CAMKMT: variants seen among roughly 807,000 people sequenced by gnomAD.
The protein encoded by CAMKMT is calmodulin-lysine N-methyltransferase.
A neutral mutation model predicts 48.0 loss-of-function variants in CAMKMT; 53 were observed. That is an observed-to-expected ratio of 1.10 (90% CI 0.89 to 1.39). The LOEUF is 1.39. CAMKMT is among the 40% of genes most tolerant of loss of function. CAMKMT has a pLI of 0.00. For synonymous variants in CAMKMT, 165 were observed against 152.3 expected, an observed-to-expected ratio of 1.08 and a Z score of -0.61; for missense variants, 428 against 402.7, an observed-to-expected ratio of 1.06 and a Z score of -0.54.
At chr2:44,528,749 A>C (rs1666307464) in intron 3 of CAMKMT, among the ~76,000 whole-genome samples, 1 of 151,420 alleles carries the variant, frequency 6.6e-6, no homozygotes, top group Non-Finnish European at 1.5e-5. Flanking sequence ...AAACTGGACT[A>C]TTCATCTTGT....
intron 3 of CAMKMT, among the ~76,000 whole-genome samples, chr2:44,646,468 C>G (rs964952353): frequency 6.6e-6 from 1 of 152,194 alleles, no homozygotes; most frequent in East Asian, 1.9e-4. Flanking sequence ...ACAATTCCAT[C>G]CAGTGATTCT....
chr2:44,486,774 C>A (rs986406821), intron 3 of CAMKMT, among the ~76,000 whole-genome samples: 6 of 152,188 alleles, frequency 3.9e-5, no homozygotes, highest in African/African-American at 1.4e-4. Flanking sequence ...TCCCACAAAT[C>A]CTTGGTGTAC....
At chr2:44,660,038 AT>A in intron 3 of CAMKMT, among the ~76,000 whole-genome samples, 1 of 152,354 alleles carries the variant, frequency 6.6e-6, no homozygotes, top group South Asian at 2.1e-4. Flanking sequence ...AATTTTAAAA[AT>A]ATTTACAAAC....
chr2:44,663,710 C>G (rs1674803269), intron 3 of CAMKMT, among the ~76,000 whole-genome samples: 1 of 152,170 alleles, frequency 6.6e-6, no homozygotes, highest in Non-Finnish European at 1.5e-5. Flanking sequence ...TTATTGTTCA[C>G]CCTCTTCAGT....
At chr2:44,604,239 T>G (rs1207666935) in intron 3 of CAMKMT, among the ~76,000 whole-genome samples, 2 of 152,216 alleles carry the variant, frequency 1.3e-5, no homozygotes, top group Admixed American at 6.5e-5. Context: ...ATCTGTTTTA[T>G]TTTGTATGTA....
At chr2:44,511,388 A>T (rs1228951890) in intron 3 of CAMKMT, among the ~76,000 whole-genome samples, 1 of 152,162 alleles carries the variant, frequency 6.6e-6, no homozygotes, top group Non-Finnish European at 1.5e-5. Context: ...TACTAGGTTC[A>T]AGCAATTCTC....
chr2:44,725,143 C>CGTGTGTGTGTGT (rs4039394), intron 7 of CAMKMT, among the ~76,000 whole-genome samples: 3,033 of 140,566 alleles, frequency 0.022, 34 homozygotes, highest in Non-Finnish European at 0.027. Context: ...GCTTTCTGGA[C>CGTGTGTGTGTGT]GTGTGTGTGT....
At chr2:44,721,313 T>C (rs1573162303) in intron 7 of CAMKMT, among the ~76,000 whole-genome samples, 1 of 152,222 alleles carries the variant, frequency 6.6e-6, no homozygotes, top group East Asian at 1.9e-4. Flanking sequence ...TAAGAGATGT[T>C]ATCACAAGTA....
At chr2:44,482,649 C>A (rs958215709) in intron 3 of CAMKMT, among the ~76,000 whole-genome samples, 1 of 152,102 alleles carries the variant, frequency 6.6e-6, no homozygotes, top group Admixed American at 6.5e-5. Flanking sequence ...GAGTGGCCTT[C>A]TTCAGACTTC....
intron 3 of CAMKMT, among the ~76,000 whole-genome samples, chr2:44,390,588 A>G (rs554717241): frequency 1.3e-5 from 2 of 151,924 alleles, no homozygotes; most frequent in South Asian, 2.1e-4. Context: ...CAGAAAGAAC[A>G]CTGGACACTG....
At chr2:44,726,056 T>G (rs1180133552) in intron 7 of CAMKMT, among the ~76,000 whole-genome samples, 1 of 152,200 alleles carries the variant, frequency 6.6e-6, no homozygotes, top group African/African-American at 2.4e-5. Context: ...TGCTCAATGT[T>G]TAGCTCCCAC....
chr2:44,718,241 C>T (rs1212296921), intron 7 of CAMKMT, among the ~76,000 whole-genome samples: 4 of 152,162 alleles, frequency 2.6e-5, no homozygotes, highest in African/African-American at 4.8e-5. Flanking sequence ...ACCAAACTTT[C>T]CTGCTCCCTC....
At chr2:44,635,066 C>T (rs746737975) in intron 3 of CAMKMT, among the ~76,000 whole-genome samples, 1 of 152,116 alleles carries the variant, frequency 6.6e-6, no homozygotes, top group African/African-American at 2.4e-5. Context: ...GAGTGGGACA[C>T]TGTTTCAAAA....
At chr2:44,768,356 TATA>T (rs1417172210) in intron 10 of CAMKMT, among the ~76,000 whole-genome samples, 13 of 96,574 alleles carry the variant, frequency 1.3e-4, no homozygotes, top group African/African-American at 5.2e-4. Context: ...TATATATATA[TATA>T]TATTTTTTTT....
intron 9 of CAMKMT, among the ~76,000 whole-genome samples, chr2:44,760,972 C>T (rs1680593866): frequency 6.6e-6 from 1 of 152,114 alleles, no homozygotes; most frequent in South Asian, 2.1e-4. Context: ...TGCCAGGCCC[C>T]GGGGATAGAG....
chr2:44,633,938 G>A (rs373504123), intron 3 of CAMKMT, among the ~76,000 whole-genome samples: 11 of 151,908 alleles, frequency 7.2e-5, no homozygotes, highest in African/African-American at 2.7e-4. Flanking sequence ...TTGGTTTTTG[G>A]GGTTTTTTTA....
At chr2:44,750,609 A>G (rs1475428042) in intron 8 of CAMKMT, among the ~76,000 whole-genome samples, 1 of 152,240 alleles carries the variant, frequency 6.6e-6, no homozygotes, top group East Asian at 1.9e-4. Context: ...CAAGCCATAC[A>G]CTATCACTAT....
intron 3 of CAMKMT, among the ~76,000 whole-genome samples, chr2:44,666,692 C>T (rs1038595247): frequency 4.0e-5 from 6 of 151,138 alleles, no homozygotes; most frequent in African/African-American, 1.2e-4. Flanking sequence ...GCTCACTGAG[C>T]CTCCGCCTCC....
chr2:44,455,060 T>C (rs1667487868), intron 3 of CAMKMT, among the ~76,000 whole-genome samples: 1 of 152,122 alleles, frequency 6.6e-6, no homozygotes, highest in South Asian at 2.1e-4. Flanking sequence ...TATGGCATCA[T>C]GAGATGCTAA....
Sources: allele counts gnomAD v4.1 joint callset (sites outside exome capture counted in the v4.1 genomes callset), GRCh38; gene constraint gnomAD v4.1.1; transcripts MANE v1.5; gene names NCBI Gene and HGNC (gene_info 2026-07-23, HGNC 2026-07-21).